The following LRMDA variants were observed in gnomAD, a reference collection of about 807,000 sequenced individuals.
LRMDA encodes the protein leucine-rich melanocyte differentiation-associated protein.
Under a neutral mutation model 29.8 loss-of-function variants are expected in LRMDA, and 18 were observed. The ratio of observed to expected loss-of-function variants is 0.60; its 90% CI spans 0.42 to 0.90. LRMDA has a LOEUF of 0.90. Ranked by LOEUF, LRMDA falls within the 40% of genes least tolerant of loss-of-function variation. LRMDA has a pLI of 0.00. For synonymous variants in LRMDA, 125 were observed against 109.4 expected, an observed-to-expected ratio of 1.14 and a Z score of -0.89; for missense variants, 273 against 273.9, an observed-to-expected ratio of 1.00 and a Z score of 0.02.
At chr10:75,993,879 C>A (rs987429576) in intron 2 of LRMDA, among the ~76,000 whole-genome samples, 5 of 152,136 alleles carry the variant, frequency 3.3e-5, no homozygotes, top group African/African-American at 1.2e-4. Flanking sequence ...TGTCAGTCTC[C>A]AGATGCTTAC....
At chr10:75,882,758 A>C (rs1200560947) in intron 2 of LRMDA, 1 of 152,254 alleles carries the variant, frequency 6.6e-6, no homozygotes, top group Non-Finnish European at 1.5e-5. Flanking sequence ...TGCCAACTCC[A>C]TGATGGCACA....
In LRMDA at chr10:76,047,317, G is replaced by A; in HGVS notation, c.398+14G>A. 1 of 1,593,362 alleles carries A rather than the reference G, an allele frequency of 6.3e-7. No individual in the cohort carries two copies. Among genetic ancestry groups the A allele is most frequent in the South Asian group, 1.1e-5 (1 of 88,316 alleles). The stretch of plus-strand genomic sequence containing the variant: ...CAAGAGATACAGGTGAGTGTCCAGG[G>A]GTTGGACCATGGTGGGAAAAGGGAA... On this transcript the variant is annotated intron_variant, in intron 4 of 6. Transcript: ENST00000611255.
chr10:76,329,527 C>A (rs1042864395), intron 6 of LRMDA, among the ~76,000 whole-genome samples: 9 of 152,174 alleles, frequency 5.9e-5, no homozygotes, highest in Admixed American at 2.0e-4. Flanking sequence ...AGGAAATTTG[C>A]TGTGAAACTT....
At chr10:76,186,133 G>GA (rs1419763418) in intron 5 of LRMDA, among the ~76,000 whole-genome samples, 2 of 152,100 alleles carry the variant, frequency 1.3e-5, no homozygotes, top group Non-Finnish European at 2.9e-5. Context: ...CATTTAGCCT[G>GA]AGGTGTGGAA....
chr10:76,545,182 T>A lies in LRMDA; in HGVS notation c.602-12027T>A, dbSNP rs200836641. 2.1e-3 allele frequency among the ~76,000 whole-genome samples: 3 copies of A among 1,418 alleles called. No individual in the cohort carries two copies. In the Non-Finnish European group the frequency reaches 0.25, roughly 118 times the overall value. The allele number at this position is 1,418 out of a possible 152,430, so 0.9% of individuals were successfully genotyped here. ...TTCTTTTTTTTTGTTTTTTATTTTG[T>A]TTTTTTTTTTTTGTAGCTTGAAGAA... On this transcript the variant is annotated intron_variant, in intron 6 of 6. Transcript: ENST00000611255.
intron 5 of LRMDA, among the ~76,000 whole-genome samples, chr10:76,243,366 C>T (rs1183132377): frequency 6.6e-6 from 1 of 152,086 alleles, no homozygotes; most frequent in East Asian, 1.9e-4. Context: ...AATACTATTA[C>T]ATTATGTCTG....
chr10:75,579,694 C>G (rs911114530), intron 2 of LRMDA, among the ~76,000 whole-genome samples: 4 of 152,310 alleles, frequency 2.6e-5, no homozygotes, highest in Admixed American at 2.6e-4. Context: ...GAAACCGAAT[C>G]CAGTGGCACA....
At chr10:75,697,153 C>T (rs1773155218) in intron 2 of LRMDA, among the ~76,000 whole-genome samples, 1 of 152,084 alleles carries the variant, frequency 6.6e-6, no homozygotes. Context: ...AGGAACTCCA[C>T]CAAATAAAAT....
At chr10:75,844,724 G>C (rs1324361723) in intron 2 of LRMDA, among the ~76,000 whole-genome samples, 1 of 152,148 alleles carries the variant, frequency 6.6e-6, no homozygotes, top group African/African-American at 2.4e-5. Context: ...TGAGAGTAAG[G>C]GACTAGGTAA....
At chr10:76,000,175 A>G (rs1847536847) in intron 2 of LRMDA, among the ~76,000 whole-genome samples, 1 of 152,036 alleles carries the variant, frequency 6.6e-6, no homozygotes, top group African/African-American at 2.4e-5. Flanking sequence ...TTGGTGATGG[A>G]GGTGGAGGAC....
rs117589522 is a variant in LRMDA, at chr10:76,062,616, T to C, written c.516+3833T>C. On this transcript the variant is annotated intron_variant, in intron 5 of 6. Coordinates refer to ENST00000611255, the MANE Select transcript of LRMDA (RefSeq NM_001305581.2). ...GATGCTGTCATTCATTAGGAAGTGA[T>C]AGCTGAATGCTACAATGGATGCTTC... Among the ~76,000 whole-genome samples, 143 of 151,088 alleles carry C rather than the reference T, an allele frequency of 9.5e-4. No homozygotes were observed. The East Asian group carries it at 0.023, about 24-fold the overall frequency.
At chr10:76,277,478 C>G (rs923314776) in intron 5 of LRMDA, among the ~76,000 whole-genome samples, 2 of 152,138 alleles carry the variant, frequency 1.3e-5, no homozygotes, top group African/African-American at 4.8e-5. Context: ...TTATTAAAGT[C>G]TTGTTCTTAC....
rs1398280833 is a variant in LRMDA at position 76,496,055 on chromosome 10, C to A, written c.602-61154C>A. ...GACTTGTTAGTTGGGATAAAAACAG[C>A]CTTAATCTACAGCTAATTTTGCCCC... is the stretch of plus-strand genomic sequence containing the variant. On this transcript the variant is annotated intron_variant, in intron 6 of 6. Coordinates refer to ENST00000611255, the MANE Select transcript of LRMDA (RefSeq NM_001305581.2). Among the ~76,000 whole-genome samples, 17 of 74,302 alleles carry A rather than the reference C, an allele frequency of 2.3e-4. 5 individuals are homozygous for A. Among genetic ancestry groups the A allele is most frequent in the African/African-American group, 5.2e-4 (16 of 30,490 alleles). The allele number at this position is 74,302 out of a possible 152,430, so 48.7% of individuals were successfully genotyped here. A position where few individuals can be genotyped will look rare whatever the true frequency, so the allele number is the denominator to read the frequency against.
At chr10:76,222,507 AAC>A (rs1491453574) in intron 5 of LRMDA, among the ~76,000 whole-genome samples, 1 of 152,184 alleles carries the variant, frequency 6.6e-6, no homozygotes, top group Non-Finnish European at 1.5e-5. Context: ...CAGCCAAAAA[AAC>A]ACATGAAAAA....
At chr10:76,191,917 G>C (rs1851254424) in intron 5 of LRMDA, among the ~76,000 whole-genome samples, 1 of 152,174 alleles carries the variant, frequency 6.6e-6, no homozygotes, top group African/African-American at 2.4e-5. Context: ...GTGGCACCAG[G>C]TTCAAAATGA....
chr10:76,554,542 C>T (rs533922976), intron 6 of LRMDA, among the ~76,000 whole-genome samples: 4 of 152,304 alleles, frequency 2.6e-5, no homozygotes, highest in South Asian at 2.1e-4. Context: ...GACACCTAGC[C>T]GCAGTCTCCT....
At chr10:76,490,851 C>T (rs1184810882) in intron 6 of LRMDA, among the ~76,000 whole-genome samples, 2 of 151,920 alleles carry the variant, frequency 1.3e-5, no homozygotes, top group Non-Finnish European at 2.9e-5. Flanking sequence ...TCATCTCTTC[C>T]TTCTTTCCTT....
intron 2 of LRMDA, among the ~76,000 whole-genome samples, chr10:75,696,817 A>G (rs1389223187): frequency 1.3e-5 from 2 of 152,130 alleles, no homozygotes; most frequent in African/African-American, 4.8e-5. Flanking sequence ...GGAAGCCCCA[A>G]CTTCCTTGTG....
At chr10:75,552,591 T>C (rs1779863823) in intron 2 of LRMDA, 1 of 471,520 alleles carries the variant, frequency 2.1e-6, no homozygotes, top group Non-Finnish European at 4.4e-6. Flanking sequence ...TTTTCTGAGG[T>C]TCTTTGAACT....
Sources: allele counts gnomAD v4.1 joint callset (sites outside exome capture counted in the v4.1 genomes callset), GRCh38; gene constraint gnomAD v4.1.1; transcripts MANE v1.5; gene names NCBI Gene and HGNC (gene_info 2026-07-23, HGNC 2026-07-21).